The following ERAP1 variants were observed in gnomAD, a reference collection of about 807,000 sequenced individuals.
ERAP1 encodes adipocyte-derived leucine aminopeptidase.
Under a neutral mutation model 103.7 loss-of-function variants are expected in ERAP1, and 86 were observed. The observed-to-expected ratio is 0.83, with a 90% confidence interval of 0.70 to 0.99. ERAP1 has a LOEUF of 0.99. Ranked by LOEUF, ERAP1 falls within the 50% of genes least tolerant of loss-of-function variation. The pLI is 0.00. For synonymous variants in ERAP1, 398 were observed against 402.4 expected, an observed-to-expected ratio of 0.99 and a Z score of 0.13; for missense variants, 1,009 against 1,128.4, an observed-to-expected ratio of 0.89 and a Z score of 1.52.
At chr5:96,827,607 G>C in the ERAP1 span, among the ~76,000 whole-genome samples, 1 of 152,210 alleles carries the variant, frequency 6.6e-6, no homozygotes, top group Non-Finnish European at 1.5e-5. Flanking sequence ...GGAGGTTGCA[G>C]TGAGCCGAGA....
At chr5:96,806,500 G>C (rs902316999) in intron 1 of ERAP1, among the ~76,000 whole-genome samples, 10 of 152,180 alleles carry the variant, frequency 6.6e-5, no homozygotes, top group Admixed American at 6.5e-5. Context: ...TCTCATTCAA[G>C]GTGGGGTAAC....
chr5:96,803,769 C>T lies in ERAP1; in HGVS notation c.158G>A (p.Arg53Gln), dbSNP rs369776125. Residue 53 changes from arginine (R) to glutamine (Q), a missense_variant, in exon 2 of 19, where the codon CGA (arginine) becomes CAA (glutamine). This residue lies in a region of ERAP1 where 392 missense variants were observed against 455.2 expected (regional missense o/e 0.86). Coordinates refer to ENST00000443439, the MANE Select transcript of ERAP1 (RefSeq NM_001040458.3). ...DGTPFPWNKI[R>Q]LPEYVIPVHY... is the part of the protein sequence containing the mutation. ...AACTGGGATGACGTACTCAGGAAGT[C>T]GTATTTTATTCCAAGGAAATGGTGT... is the stretch of plus-strand genomic sequence containing the variant. 42 of 1,614,150 alleles carry T rather than the reference C, an allele frequency of 2.6e-5. No homozygotes were observed. In the African/African-American group the frequency reaches 5.3e-4, roughly 20 times the overall value.
At chr5:96,780,109 C>T (rs971650810) in intron 18 of ERAP1, among the ~76,000 whole-genome samples, 1 of 152,238 alleles carries the variant, frequency 6.6e-6, no homozygotes, top group Admixed American at 6.5e-5. Flanking sequence ...ATGACCACTT[C>T]AGTCATTTAT....
chr5:96,853,420 C>T, the ERAP1 span, among the ~76,000 whole-genome samples: 14 of 152,100 alleles, frequency 9.2e-5, no homozygotes, highest in African/African-American at 1.2e-4. Context: ...GCCAAACCTG[C>T]CTTAGGTACA....
intron 3 of ERAP1, among the ~76,000 whole-genome samples, chr5:96,800,493 T>C (rs765807176): frequency 6.6e-6 from 1 of 152,206 alleles, no homozygotes; most frequent in Non-Finnish European, 1.5e-5. Context: ...AAATATGGCC[T>C]TATTGACAAA....
chr5:96,894,523 C>A, the ERAP1 span, among the ~76,000 whole-genome samples: 1 of 151,860 alleles, frequency 6.6e-6, no homozygotes, highest in African/African-American at 2.4e-5. Flanking sequence ...CAGTATTAGG[C>A]ATATAGACTA....
At chr5:96,764,318 C>A (rs1769046470) in intron 19 of ERAP1, among the ~76,000 whole-genome samples, 1 of 152,116 alleles carries the variant, frequency 6.6e-6, no homozygotes, top group Non-Finnish European at 1.5e-5. Context: ...TCACATTTCA[C>A]GGCCAAGGAA....
chr5:96,868,763 G>A, the ERAP1 span, among the ~76,000 whole-genome samples: 1 of 152,146 alleles, frequency 6.6e-6, no homozygotes, highest in African/African-American at 2.4e-5. Context: ...CAAATGTTCA[G>A]TATGCTGCTG....
the ERAP1 span, among the ~76,000 whole-genome samples, chr5:96,859,919 TA>T: frequency 6.6e-6 from 1 of 152,152 alleles, no homozygotes; most frequent in Non-Finnish European, 1.5e-5. Context: ...CTAGCTGGTG[TA>T]AAATAATACT....
the ERAP1 span, among the ~76,000 whole-genome samples, chr5:96,818,719 G>C: frequency 6.6e-6 from 1 of 151,954 alleles, no homozygotes; most frequent in Non-Finnish European, 1.5e-5. Flanking sequence ...AATCAGTAGC[G>C]TTTAATTTTA....
At chr5:96,763,126 C>T in exon 20 of ERAP1, 1 of 779,748 alleles carries the variant, frequency 1.3e-6, no homozygotes, top group Non-Finnish European at 2.4e-6. Flanking sequence ...TTAGCGAAGT[C>T]AGCTATGCTT....
chr5:96,920,854 C>T, the ERAP1 span, among the ~76,000 whole-genome samples: 4 of 152,294 alleles, frequency 2.6e-5, 1 homozygote, highest in East Asian at 7.7e-4. Flanking sequence ...AAAGAAGTGG[C>T]TTTACTAGGT....
exon 20 of ERAP1, chr5:96,762,776 T>C: frequency 4.0e-6 from 1 of 248,254 alleles, no homozygotes; most frequent in Non-Finnish European, 7.8e-6. Flanking sequence ...CAAGTTTATT[T>C]TATGGAATCG....
chr5:96,896,483 T>G, the ERAP1 span: 1 of 1,613,318 alleles, frequency 6.2e-7, no homozygotes, highest in Non-Finnish European at 8.5e-7. Context: ...AGGAAATGTT[T>G]GATGAAGTTT....
At chr5:96,785,484 G>C in intron 13 of ERAP1, 1 of 395,446 alleles carries the variant, frequency 2.5e-6, no homozygotes, top group Non-Finnish European at 4.8e-6. Context: ...CATGCCGCGG[G>C]GACAAGGCAA....
At chr5:96,904,139 C>T in the ERAP1 span, among the ~76,000 whole-genome samples, 195 of 152,232 alleles carry the variant, frequency 1.3e-3, no homozygotes, top group African/African-American at 4.2e-3. Flanking sequence ...ATTAGTATGA[C>T]GTTTGTAGGG....
intron 4 of ERAP1, 139 bp from the exon 5 acceptor site, chr5:96,795,301 T>A: frequency 1.8e-6 from 2 of 1,132,976 alleles, no homozygotes; most frequent in Non-Finnish European, 2.6e-6. Context: ...GAATTCCATT[T>A]CTTGCATTAA....
At chr5:96,927,928 CAG>C in the ERAP1 span, among the ~76,000 whole-genome samples, 4 of 151,936 alleles carry the variant, frequency 2.6e-5, no homozygotes, top group Non-Finnish European at 4.4e-5. Context: ...TTCTTTGAGA[CAG>C]AGTCTTGCTC....
At chr5:96,933,787 T>C in the ERAP1 span, among the ~76,000 whole-genome samples, 1 of 152,226 alleles carries the variant, frequency 6.6e-6, no homozygotes, top group South Asian at 2.1e-4. Flanking sequence ...GAGCGTCTTA[T>C]TTAAGCAATA....
Sources: gnomAD v4.1 joint callset for allele counts (sites outside exome capture counted in the v4.1 genomes callset) on GRCh38, gnomAD v4.1.1 for gene constraint, gnomAD v4.1.1 regional missense constraint, MANE v1.5 for transcripts, NCBI Gene and HGNC (gene_info 2026-07-23, HGNC 2026-07-21) for gene names.